PCDH15: variants seen among roughly 807,000 people sequenced by gnomAD.
The protein encoded by PCDH15 is protocadherin related 15.
PCDH15 carries 129 observed loss-of-function variants against 178.5 expected under a neutral mutation model. The ratio of observed to expected loss-of-function variants is 0.72; its 90% CI spans 0.63 to 0.84. PCDH15 has a LOEUF of 0.84. PCDH15 is among the 40% of genes least tolerant of loss of function. PCDH15 has a pLI of 0.00. For synonymous variants in PCDH15, 800 were observed against 732.0 expected (o/e 1.09, Z -1.50); for missense variants, 2,230 against 2,099.9 (o/e 1.06, Z -1.21).
chr10:54,952,902 T>G (rs1838382592), intron 2 of PCDH15, among the ~76,000 whole-genome samples: 1 of 144,662 alleles, frequency 6.9e-6, no homozygotes, highest in African/African-American at 2.4e-5. Context: ...TGTTGATTCT[T>G]TCACATTTTC....
chr10:53,999,096 G>C (rs920861823), intron 20 of PCDH15, among the ~76,000 whole-genome samples: 2 of 150,912 alleles, frequency 1.3e-5, no homozygotes, highest in African/African-American at 4.9e-5. Flanking sequence ...GCAAATGCCA[G>C]TCCTTACCAT....
intron 8 of PCDH15, among the ~76,000 whole-genome samples, chr10:54,309,730 AG>A (rs748031043): frequency 6.6e-6 from 1 of 152,032 alleles, no homozygotes; most frequent in Non-Finnish European, 1.5e-5. Context: ...CAGGAGGCAT[AG>A]GTTGCAGTGA....
chr10:55,586,790 CA>C (rs1842734637), intron 2 of PCDH15, among the ~76,000 whole-genome samples: 1 of 152,018 alleles, frequency 6.6e-6, no homozygotes, highest in Non-Finnish European at 1.5e-5. Context: ...GCTCTTATGA[CA>C]AGAGAATGAT....
chr10:55,098,895 T>TGAGAGAGAGAGAGCGAGAGAGAGAGAGA (rs1842509120), intron 2 of PCDH15, among the ~76,000 whole-genome samples: 1 of 120,198 alleles, frequency 8.3e-6, no homozygotes, highest in Non-Finnish European at 1.8e-5. Context: ...AAAACTTCAA[T>TGAGAGAGAGAGAGCGAGAGAGAGAGAGA]GAGAGAGAGA....
intron 25 of PCDH15, among the ~76,000 whole-genome samples, chr10:53,927,944 T>C (rs922514166): frequency 5.6e-4 from 85 of 152,204 alleles, no homozygotes; most frequent in African/African-American, 2.0e-3. Context: ...AAACTGACCC[T>C]TGTAGAATAA....
chr10:54,508,264 G>C (rs1434160186), intron 3 of PCDH15, among the ~76,000 whole-genome samples: 2 of 151,990 alleles, frequency 1.3e-5, no homozygotes, highest in Non-Finnish European at 2.9e-5. Flanking sequence ...TACTGAAACA[G>C]AGTAGATATC....
intron 3 of PCDH15, among the ~76,000 whole-genome samples, chr10:54,457,631 C>T: frequency 6.6e-6 from 1 of 151,860 alleles, no homozygotes; most frequent in East Asian, 1.9e-4. Flanking sequence ...CAATATGTTT[C>T]CATGGGAAAA....
chr10:55,567,230 C>T (rs1327866029), intron 2 of PCDH15, among the ~76,000 whole-genome samples: 1 of 151,652 alleles, frequency 6.6e-6, no homozygotes, highest in Non-Finnish European at 1.5e-5. Context: ...TATCCATATG[C>T]AAAATAATAA....
At chr10:54,301,010 T>C (rs1296963122) in intron 8 of PCDH15, among the ~76,000 whole-genome samples, 2 of 152,118 alleles carry the variant, frequency 1.3e-5, no homozygotes, top group African/African-American at 4.8e-5. Context: ...GCTGTAACAC[T>C]CACTGAGAAG....
chr10:54,158,598 G>C (rs2045394323), intron 13 of PCDH15, among the ~76,000 whole-genome samples: 1 of 152,018 alleles, frequency 6.6e-6, no homozygotes. Context: ...CTCTTTAATT[G>C]CTCTTTCCTG....
intron 16 of PCDH15, among the ~76,000 whole-genome samples, chr10:54,082,184 G>A (rs1455831657): frequency 6.6e-6 from 1 of 152,108 alleles, no homozygotes; most frequent in Admixed American, 6.6e-5. Flanking sequence ...TCTGGAGACT[G>A]CCTGAAGGAG....
chr10:55,451,953 C>T (rs565422468), intron 2 of PCDH15, among the ~76,000 whole-genome samples: 13 of 152,170 alleles, frequency 8.5e-5, no homozygotes, highest in South Asian at 6.2e-4. Flanking sequence ...TCCAGGATAT[C>T]GAAAAATGCA....
rs567254139 is a variant in PCDH15 at position 54,517,841 on chromosome 10, C to G, written c.157+9971G>C. Reference sequence around the variant, plus strand: ...GCACTCCCCAGCAGATGTAAAAGAACAGAAATTATAACAAATTGTCTCTCA... The same window carrying G: ...GCACTCCCCAGCAGATGTAAAAGAAGAGAAATTATAACAAATTGTCTCTCA... On this transcript the variant is annotated intron_variant, in intron 3 of 37. Coordinates refer to ENST00000644397, the MANE Select transcript of PCDH15 (RefSeq NM_001384140.1). Among the ~76,000 whole-genome samples, 11 of 152,230 alleles carry G rather than the reference C, an allele frequency of 7.2e-5. No homozygotes were observed. The South Asian group carries it at 2.3e-3, about 32-fold the overall frequency.
chr10:55,415,289 G>A (rs766451870), intron 2 of PCDH15, among the ~76,000 whole-genome samples: 1 of 151,506 alleles, frequency 6.6e-6, no homozygotes, highest in Non-Finnish European at 1.5e-5. Context: ...TTATATTTCA[G>A]AGTAGAAATC....
intron 1 of PCDH15, among the ~76,000 whole-genome samples, chr10:54,666,693 A>G (rs1281182652): frequency 3.3e-5 from 5 of 152,084 alleles, no homozygotes; most frequent in Non-Finnish European, 7.4e-5. Context: ...ATATTGGAAA[A>G]CAAAATTAAT....
rs752814380 is a variant in PCDH15, at chr10:54,296,970, C to T, written c.876+20301G>A. ...AATGCATTGGTAAGGGCCAATAATCCGACCTTCCTCATTCCTCCTTGTGGT... is the reference window on the plus strand; with the variant it reads ...AATGCATTGGTAAGGGCCAATAATCTGACCTTCCTCATTCCTCCTTGTGGT... On this transcript the variant is annotated intron_variant, in intron 8 of 37. Transcript: ENST00000644397. Among the ~76,000 whole-genome samples, 12 of 151,866 alleles carry T rather than the reference C, an allele frequency of 7.9e-5. 1 individual carries two copies. The highest frequency in any genetic ancestry group is 2.1e-4 in the South Asian group (1 of 4,812).
intron 2 of PCDH15, among the ~76,000 whole-genome samples, chr10:54,629,553 T>A (rs775489639): frequency 1.3e-5 from 2 of 152,110 alleles, no homozygotes. Flanking sequence ...CATCTCTTTA[T>A]GATAAAAACC....
intron 2 of PCDH15, among the ~76,000 whole-genome samples, chr10:55,579,188 A>G (rs1842557144): frequency 6.6e-6 from 1 of 152,252 alleles, no homozygotes; most frequent in South Asian, 2.1e-4. Context: ...ACAGTAAATT[A>G]CACAGAAATA....
chr10:54,366,582 G>C (rs1196094767), intron 5 of PCDH15, among the ~76,000 whole-genome samples: 1 of 151,788 alleles, frequency 6.6e-6, no homozygotes, highest in Non-Finnish European at 1.5e-5. Context: ...TAAACCAATA[G>C]ATAATTCATA....
Sources: allele counts gnomAD v4.1 joint callset (sites outside exome capture counted in the v4.1 genomes callset), GRCh38; gene constraint gnomAD v4.1.1; transcripts MANE v1.5; gene names NCBI Gene and HGNC (gene_info 2026-07-23, HGNC 2026-07-21).